Variants in DPH6 observed in about 807,000 individuals in gnomAD.
DPH6 encodes the protein diphthine--ammonia ligase.
DPH6 carries 33 observed loss-of-function variants against 38.2 expected under a neutral mutation model. The observed-to-expected ratio is 0.86, with a 90% CI of 0.65 to 1.15. The LOEUF (loss-of-function observed/expected upper bound fraction) is 1.15, where lower values mean the gene tolerates loss of function less well. DPH6 is among the 50% of genes most tolerant of loss of function. The pLI is 0.00. For missense variants in DPH6, 325 were observed against 320.0 expected (o/e 1.02, Z -0.12); for synonymous variants, 108 against 103.0 (o/e 1.05, Z -0.30).
intron 5 of DPH6, among the ~76,000 whole-genome samples, chr15:35,450,391 T>TA (rs1055111797): frequency 5.9e-4 from 67 of 114,392 alleles, no homozygotes; most frequent in Middle Eastern, 5.1e-3. Context: ...TTCCAAACCC[T>TA]AAAAAAAAAA....
At chr15:35,535,537 G>A (rs544327657) in intron 3 of DPH6, among the ~76,000 whole-genome samples, 45 of 152,208 alleles carry the variant, frequency 3.0e-4, no homozygotes, top group Non-Finnish European at 6.0e-4. Flanking sequence ...TTCCTATAGA[G>A]ATATAGTGCT....
intron 3 of DPH6, among the ~76,000 whole-genome samples, chr15:35,349,833 C>T (rs1042455346): frequency 6.6e-6 from 1 of 152,154 alleles, no homozygotes; most frequent in Non-Finnish European, 1.5e-5. Flanking sequence ...TGGTGTAACT[C>T]TTAATGTGTT....
At chr15:35,161,849 G>A in the DPH6 span, among the ~76,000 whole-genome samples, 1 of 151,926 alleles carries the variant, frequency 6.6e-6, no homozygotes, top group African/African-American at 2.4e-5. Context: ...ATAAATTTCT[G>A]TTGTTTAAGC....
chr15:35,175,372 G>A, the DPH6 span, among the ~76,000 whole-genome samples: 8 of 152,156 alleles, frequency 5.3e-5, no homozygotes, highest in Admixed American at 5.2e-4. Context: ...TTATTGACAA[G>A]CATTTTTCAC....
At chr15:35,376,694 T>A (rs2052785618) in intron 7 of DPH6, among the ~76,000 whole-genome samples, 1 of 152,150 alleles carries the variant, frequency 6.6e-6, no homozygotes, top group African/African-American at 2.4e-5. Context: ...AAAAATTTTT[T>A]ATATCATATT....
chr15:35,210,333 T>C, the DPH6 span, among the ~76,000 whole-genome samples: 2 of 152,204 alleles, frequency 1.3e-5, no homozygotes, highest in Non-Finnish European at 2.9e-5. Flanking sequence ...ATCTATTATA[T>C]AGAGTTTAGA....
At chr15:35,520,550 T>C (rs571511916) in intron 3 of DPH6, 7 of 984,752 alleles carry the variant, frequency 7.1e-6, no homozygotes, top group Non-Finnish European at 8.4e-6. Flanking sequence ...AGTACATATA[T>C]ACAATAAGAC....
chr15:35,538,464 C>A lies in DPH6; in HGVS notation c.122G>T (p.Gly41Val). 1.3e-6 allele frequency: 2 copies of A among 1,512,590 alleles called. No individual in the cohort carries two copies. The highest frequency in any genetic ancestry group is 9.0e-7 in the Non-Finnish European group (1 of 1,114,744). 93.7% of individuals were successfully genotyped at this position (1,512,590 alleles called of 1,614,324 possible). The part of the protein sequence containing the change: ...ANLRPAENQV[G>V]SDELDSYMYQ... ...CATGTAGCTATCCAGTTCATCAGAC[C>A]CCACTGCAACAATTAAAATGGAAAT... is the stretch of plus-strand genomic sequence containing the variant. Residue 41 changes from glycine to valine, a missense_variant, in exon 3 of 9, where the codon GGG becomes GTG. Gly to Val is a moderately radical substitution (Grantham distance 109). Transcript: ENST00000256538.
At chr15:35,211,682 A>G in the DPH6 span, among the ~76,000 whole-genome samples, 10 of 152,226 alleles carry the variant, frequency 6.6e-5, no homozygotes, top group African/African-American at 2.4e-4. Flanking sequence ...ACTATGAAAT[A>G]TATGTCACTG....
chr15:35,367,562 T>C (rs2052671592), downstream of DPH6, among the ~76,000 whole-genome samples: 1 of 151,828 alleles, frequency 6.6e-6, no homozygotes, highest in Non-Finnish European at 1.5e-5. Flanking sequence ...AGCAATAAAG[T>C]TGGGGCCCCA....
At chr15:35,448,167 A>G (rs1308357375) in intron 5 of DPH6, among the ~76,000 whole-genome samples, 1 of 151,732 alleles carries the variant, frequency 6.6e-6, no homozygotes, top group Non-Finnish European at 1.5e-5. Context: ...AGTAAATACC[A>G]TTAGTGATTT....
At chr15:35,381,082 G>A (rs1186179947) in intron 7 of DPH6, among the ~76,000 whole-genome samples, 2 of 152,078 alleles carry the variant, frequency 1.3e-5, no homozygotes. Context: ...TTATTAATAT[G>A]CACAAAGAGG....
intron 3 of DPH6, among the ~76,000 whole-genome samples, chr15:35,252,311 T>C (rs768541056): frequency 1.3e-5 from 2 of 152,134 alleles, no homozygotes; most frequent in African/African-American, 4.8e-5. Context: ...CCATGAAAGA[T>C]AGTAGCTGGT....
At chr15:35,454,556 T>G (rs534308421) in intron 4 of DPH6, among the ~76,000 whole-genome samples, 191 bp downstream of exon 4, 1 of 152,232 alleles carries the variant, frequency 6.6e-6, no homozygotes, top group East Asian at 1.9e-4. Flanking sequence ...TTAAGTTTCC[T>G]CATGTGAGAT....
intron 3 of DPH6, among the ~76,000 whole-genome samples, chr15:35,496,286 G>A (rs1202449702): frequency 1.3e-5 from 2 of 151,952 alleles, no homozygotes; most frequent in African/African-American, 4.8e-5. Context: ...CAGGCACAGT[G>A]ACTAACGCCT....
chr15:35,517,082 AT>A (rs1389578654), intron 3 of DPH6, among the ~76,000 whole-genome samples: 1 of 152,048 alleles, frequency 6.6e-6, no homozygotes, highest in African/African-American at 2.4e-5. Flanking sequence ...ATAGCTTGCT[AT>A]TTTTTTCAGG....
intron 3 of DPH6, among the ~76,000 whole-genome samples, chr15:35,514,667 T>G (rs1475588013): frequency 1.3e-5 from 2 of 152,186 alleles, no homozygotes; most frequent in Admixed American, 1.3e-4. Flanking sequence ...TATGTTTATA[T>G]GTAATTATCT....
chr15:35,525,996 A>C (rs1018922345), intron 3 of DPH6, among the ~76,000 whole-genome samples: 1 of 152,208 alleles, frequency 6.6e-6, no homozygotes, highest in African/African-American at 2.4e-5. Context: ...CCTTATTATA[A>C]TGCTTTCTGT....
chr15:35,183,409 A>C, the DPH6 span, among the ~76,000 whole-genome samples: 4 of 152,202 alleles, frequency 2.6e-5, no homozygotes, highest in African/African-American at 4.8e-5. Context: ...CTAAGAATTC[A>C]CTTTGATTTT....
Sources: gnomAD v4.1 joint callset for allele counts (sites outside exome capture counted in the v4.1 genomes callset) on GRCh38, gnomAD v4.1.1 for gene constraint, MANE v1.5 for transcripts, NCBI Gene and HGNC (gene_info 2026-07-23, HGNC 2026-07-21) for gene names.